The following USP32 variants were observed in gnomAD, a reference collection of about 807,000 sequenced individuals.
USP32 encodes ubiquitin specific peptidase 32, also known as ubiquitin carboxyl-terminal hydrolase 32.
In USP32, 59 loss-of-function variants were observed where a neutral mutation model predicts 204.8. That is an observed-to-expected ratio of 0.29 (90% CI 0.23 to 0.36). USP32 has a LOEUF of 0.36. Among genes scored for constraint, USP32 ranks in the 10% least tolerant of loss-of-function variants. USP32 has a pLI of 1.00. For synonymous variants in USP32, 517 were observed against 678.4 expected, an observed-to-expected ratio of 0.76 and a Z score of 3.70; for missense variants, 1,160 against 1,946.4, an observed-to-expected ratio of 0.60 and a Z score of 7.60.
chr17:60,210,256 C>A (rs1481763971), intron 21 of USP32, among the ~76,000 whole-genome samples: 2 of 151,846 alleles, frequency 1.3e-5, no homozygotes, highest in African/African-American at 4.8e-5. Context: ...AAATCTACTA[C>A]ATCTGATATT....
chr17:60,364,697 C>T (rs983687547), intron 1 of USP32, among the ~76,000 whole-genome samples: 3 of 152,196 alleles, frequency 2.0e-5, no homozygotes, highest in African/African-American at 7.2e-5. Context: ...TCATATTTAA[C>T]ATTCATGAAT....
chr17:60,377,734 G>T (rs750435828), intron 1 of USP32, among the ~76,000 whole-genome samples: 1 of 152,100 alleles, frequency 6.6e-6, no homozygotes, highest in African/African-American at 2.4e-5. Context: ...TTATCCACAG[G>T]CTGTGTGAAT....
At chr17:60,255,090 A>G in intron 10 of USP32, 85 bp downstream of exon 10, 1 of 966,742 alleles carries the variant, frequency 1.0e-6, no homozygotes, top group Non-Finnish European at 1.5e-6. Flanking sequence ...GCCTAGATAC[A>G]ACAACTCTGG....
intron 1 of USP32, among the ~76,000 whole-genome samples, chr17:60,411,116 G>T (rs2090014976): frequency 6.6e-6 from 1 of 152,010 alleles, no homozygotes; most frequent in Non-Finnish European, 1.5e-5. Context: ...ATCACCTGAG[G>T]TTGGGAGTTC....
intron 5 of USP32, among the ~76,000 whole-genome samples, chr17:60,276,263 G>A (rs2145806474): frequency 6.6e-6 from 1 of 152,180 alleles, no homozygotes; most frequent in Admixed American, 6.5e-5. Flanking sequence ...AAAGAATGCT[G>A]TTTTCGTTTT....
chr17:60,265,883 T>C (rs922193175), intron 8 of USP32, 93 bp downstream of exon 8: 2 of 969,322 alleles, frequency 2.1e-6, no homozygotes, highest in South Asian at 3.1e-5. Flanking sequence ...CTAAAAGCAG[T>C]AACAAATTAT....
chr17:60,187,424 C>A (rs187756709), intron 29 of USP32, among the ~76,000 whole-genome samples: 3 of 152,206 alleles, frequency 2.0e-5, no homozygotes, highest in Non-Finnish European at 2.9e-5. Flanking sequence ...CTGTCATCAT[C>A]TTTTGAACTG....
intron 9 of USP32, among the ~76,000 whole-genome samples, chr17:60,262,866 C>G (rs2086487621): frequency 6.6e-6 from 1 of 152,090 alleles, no homozygotes; most frequent in African/African-American, 2.4e-5. Flanking sequence ...TATTAAAGTG[C>G]CACATCCCAG....
intron 1 of USP32, among the ~76,000 whole-genome samples, chr17:60,349,643 T>TA (rs1491565591): frequency 1.0e-5 from 1 of 97,116 alleles, no homozygotes; most frequent in African/African-American, 6.7e-5. Flanking sequence ...TATATATATA[T>TA]TATATATATA....
chr17:60,231,786 A>G (rs554895288), intron 12 of USP32: 1 of 232,524 alleles, frequency 4.3e-6, no homozygotes, highest in South Asian at 5.3e-5. Context: ...TAATGATAGA[A>G]AAGATTTCAC....
At chr17:60,310,283 C>T (rs1055514592) in intron 2 of USP32, among the ~76,000 whole-genome samples, 1 of 152,082 alleles carries the variant, frequency 6.6e-6, no homozygotes, top group Non-Finnish European at 1.5e-5. Context: ...CAAAAAGATA[C>T]CTGTACTAAT....
At chr17:60,194,789 T>A (rs565449751) in intron 27 of USP32, among the ~76,000 whole-genome samples, 1 of 152,278 alleles carries the variant, frequency 6.6e-6, no homozygotes, top group Non-Finnish European at 1.5e-5. Flanking sequence ...TCTTTTTGGG[T>A]TACTTACTTA....
chr17:60,410,137 T>C (rs930883276), intron 1 of USP32, among the ~76,000 whole-genome samples: 1 of 152,208 alleles, frequency 6.6e-6, no homozygotes, highest in African/African-American at 2.4e-5. Flanking sequence ...AACATCACTA[T>C]TGTAAAATCT....
chr17:60,393,019 C>T (rs1056717433), upstream of USP32, among the ~76,000 whole-genome samples: 8 of 151,910 alleles, frequency 5.3e-5, no homozygotes, highest in Admixed American at 2.6e-4. Flanking sequence ...AGTTCAGTGG[C>T]GTTAAGAACA....
intron 2 of USP32, among the ~76,000 whole-genome samples, chr17:60,317,008 T>C (rs1320397555): frequency 6.6e-6 from 1 of 152,058 alleles, no homozygotes; most frequent in Non-Finnish European, 1.5e-5. Flanking sequence ...AAGTAGAAAG[T>C]AGACTGGAGG....
chr17:60,251,088 G>A (rs1344669893), intron 11 of USP32, among the ~76,000 whole-genome samples: 2 of 151,528 alleles, frequency 1.3e-5, no homozygotes, highest in Non-Finnish European at 1.5e-5. Flanking sequence ...GACCACAGGC[G>A]TGTACCACCA....
chr17:60,411,001 C>A (rs1023136273), intron 1 of USP32, among the ~76,000 whole-genome samples: 7 of 151,422 alleles, frequency 4.6e-5, no homozygotes, highest in Non-Finnish European at 1.0e-4. Context: ...CATAATGAGA[C>A]CTTCACCTCT....
intron 11 of USP32, among the ~76,000 whole-genome samples, chr17:60,247,351 T>C (rs962178909): frequency 9.2e-5 from 14 of 151,906 alleles, no homozygotes; most frequent in African/African-American, 3.4e-4. Flanking sequence ...AACTAGTTTT[T>C]GTACTTTGAG....
In USP32 at chr17:60,222,842, C is replaced by T. The variant is rs565594402; in HGVS notation, c.1609-293G>A. On this transcript the variant is annotated intron_variant, in intron 14 of 33. Coordinates refer to ENST00000300896, the MANE Select transcript of USP32 (RefSeq NM_032582.4). ...GATTACAGGCACACGTCACCATGCC[C>T]GGCTAATTTTTGTATTTTTAGTAGA... 7.2e-5 allele frequency among the ~76,000 whole-genome samples: 11 copies of T among 151,870 alleles called. No individual in the cohort carries two copies. In the South Asian group the frequency reaches 2.1e-3, roughly 29 times the overall value.
Sources: gnomAD v4.1 joint callset for allele counts (sites outside exome capture counted in the v4.1 genomes callset) on GRCh38, gnomAD v4.1.1 for gene constraint, MANE v1.5 for transcripts, NCBI Gene and HGNC (gene_info 2026-07-23, HGNC 2026-07-21) for gene names.